The following ZNF277 variants were observed in gnomAD, a reference collection of about 807,000 sequenced individuals.
The protein encoded by ZNF277 is zinc finger protein 277.
ZNF277 carries 55 observed loss-of-function variants against 60.7 expected under a neutral mutation model. The ratio of observed to expected loss-of-function variants is 0.91; its 90% confidence interval spans 0.73 to 1.13. ZNF277 has a LOEUF of 1.13. ZNF277 is among the 50% of genes most tolerant of loss of function. ZNF277 has a pLI of 0.00. For missense variants in ZNF277, 510 were observed against 523.0 expected (o/e 0.98, Z 0.24); for synonymous variants, 178 against 179.3 (o/e 0.99, Z 0.06).
intron 7 of ZNF277, among the ~76,000 whole-genome samples, chr7:112,335,347 A>T (rs1435589633): frequency 6.6e-6 from 1 of 152,136 alleles, no homozygotes; most frequent in African/African-American, 2.4e-5. Context: ...GATAGAAAGA[A>T]GACAGGGCAA....
intron 7 of ZNF277, among the ~76,000 whole-genome samples, chr7:112,333,699 G>A (rs1793273840): frequency 6.6e-6 from 1 of 152,242 alleles, no homozygotes; most frequent in African/African-American, 2.4e-5. Context: ...CTTCTTAGGT[G>A]AGATAATTTC....
intron 1 of ZNF277, among the ~76,000 whole-genome samples, chr7:112,255,517 A>G (rs969529894): frequency 3.8e-4 from 58 of 152,328 alleles, no homozygotes; most frequent in African/African-American, 1.2e-3. Context: ...CTGAAATCCC[A>G]CATGTCAGGC....
chr7:112,233,128 G>C (rs115961361), intron 1 of ZNF277, among the ~76,000 whole-genome samples: 2,202 of 152,186 alleles, frequency 0.014, 57 homozygotes, highest in African/African-American at 0.051. Context: ...ATCAGTTTCT[G>C]ATTTCAGCTC....
chr7:112,264,874 C>T (rs909832883), intron 1 of ZNF277, among the ~76,000 whole-genome samples: 2 of 152,148 alleles, frequency 1.3e-5, no homozygotes, highest in South Asian at 2.1e-4. Flanking sequence ...AAAATGCTTA[C>T]GCTCATCTGA....
intron 1 of ZNF277, among the ~76,000 whole-genome samples, chr7:112,233,717 C>T (rs1339039264): frequency 6.6e-6 from 1 of 152,124 alleles, no homozygotes; most frequent in Non-Finnish European, 1.5e-5. Context: ...CAGTTTTCTG[C>T]ACAGAATATT....
chr7:112,229,261 G>A (rs753696006), intron 1 of ZNF277, among the ~76,000 whole-genome samples: 6 of 152,228 alleles, frequency 3.9e-5, no homozygotes, highest in Non-Finnish European at 8.8e-5. Context: ...CATGGAAGAA[G>A]TGAGAGAGAC....
intron 1 of ZNF277, among the ~76,000 whole-genome samples, chr7:112,241,397 C>T (rs1056882630): frequency 6.6e-6 from 1 of 152,084 alleles, no homozygotes; most frequent in Non-Finnish European, 1.5e-5. Flanking sequence ...GGGGAGCTCT[C>T]GTACACTGTG....
chr7:112,335,605 C>T (rs773727617), intron 7 of ZNF277, among the ~76,000 whole-genome samples: 12 of 152,040 alleles, frequency 7.9e-5, no homozygotes, highest in Non-Finnish European at 1.8e-4. Context: ...TTAAAAAAAC[C>T]TTTTGAGGTA....
At chr7:112,242,664 G>T (rs758527316) in intron 1 of ZNF277, among the ~76,000 whole-genome samples, 1 of 151,396 alleles carries the variant, frequency 6.6e-6, no homozygotes, top group African/African-American at 2.4e-5. Flanking sequence ...GAAAGAAATT[G>T]TAGATGACAC....
rs1793474853 is a variant in ZNF277 at position 112,343,010 on chromosome 7, A to T, written c.*281A>T. 1 of 207,204 alleles carries T rather than the reference A, an allele frequency of 4.8e-6. No individual in the cohort carries two copies. The highest frequency in any genetic ancestry group is 2.3e-5 in the African/African-American group (1 of 43,448). The allele number at this position is 207,204 out of a possible 1,614,324, so 12.8% of individuals were successfully genotyped here. ...TCATCTTAAATTATCTCACTTCATT[A>T]AACTCATAATTATATATAGAAGTAT... On this transcript the variant is annotated 3_prime_UTR_variant, in exon 12 of 12. Coordinates refer to ENST00000361822, the MANE Select transcript of ZNF277 (RefSeq NM_021994.3).
chr7:112,339,982 C>A, intron 10 of ZNF277, 97 bp downstream of exon 10: 1 of 1,118,986 alleles, frequency 8.9e-7, no homozygotes, highest in Non-Finnish European at 1.3e-6. Context: ...TTGGAGAGTG[C>A]ACCACCAAAA....
intron 2 of ZNF277, among the ~76,000 whole-genome samples, chr7:112,291,198 T>C (rs1792199426): frequency 6.6e-6 from 1 of 152,188 alleles, no homozygotes; most frequent in African/African-American, 2.4e-5. Flanking sequence ...GGAAAATAAA[T>C]GTTAACTTCT....
At chr7:112,284,954 C>G (rs10229525) in intron 1 of ZNF277, among the ~76,000 whole-genome samples, 1 of 152,092 alleles carries the variant, frequency 6.6e-6, no homozygotes, top group African/African-American at 2.4e-5. Context: ...CATGCAACAT[C>G]GAACATCCCT....
chr7:112,290,709 G>C (rs1792187378), intron 2 of ZNF277, among the ~76,000 whole-genome samples: 1 of 152,110 alleles, frequency 6.6e-6, no homozygotes, highest in African/African-American at 2.4e-5. Flanking sequence ...ACCTTTGACT[G>C]TATCCAGTCT....
chr7:112,325,184 A>G (rs1793067596), intron 5 of ZNF277, among the ~76,000 whole-genome samples: 2 of 152,150 alleles, frequency 1.3e-5, no homozygotes, highest in African/African-American at 4.8e-5. Context: ...TTCCATCTGT[A>G]CCTGGCCCCC....
intron 1 of ZNF277, among the ~76,000 whole-genome samples, chr7:112,237,815 C>T (rs1227105848): frequency 1.3e-5 from 2 of 152,142 alleles, no homozygotes; most frequent in Non-Finnish European, 2.9e-5. Flanking sequence ...TCCTCCCTAA[C>T]GTATTCTGCA....
At chr7:112,285,676 C>T (rs1008552146) in intron 1 of ZNF277, among the ~76,000 whole-genome samples, 2 of 151,024 alleles carry the variant, frequency 1.3e-5, no homozygotes, top group Non-Finnish European at 3.0e-5. Flanking sequence ...CCTCATGATC[C>T]GCCCACCTCG....
intron 1 of ZNF277, among the ~76,000 whole-genome samples, chr7:112,234,463 A>G (rs1587100520): frequency 2.0e-5 from 3 of 152,284 alleles, no homozygotes; most frequent in Admixed American, 2.0e-4. Flanking sequence ...GCACTGTCAC[A>G]TTCATGAAAG....
chr7:112,235,524 C>G (rs1270085036), intron 1 of ZNF277, among the ~76,000 whole-genome samples: 1 of 152,016 alleles, frequency 6.6e-6, no homozygotes, highest in African/African-American at 2.4e-5. Flanking sequence ...TATTAAGCAT[C>G]TTTTCATGTT....
Sources: allele counts gnomAD v4.1 joint callset (sites outside exome capture counted in the v4.1 genomes callset), GRCh38; gene constraint gnomAD v4.1.1; transcripts MANE v1.5; gene names NCBI Gene and HGNC (gene_info 2026-07-23, HGNC 2026-07-21).